RYR2: variants seen among roughly 807,000 people sequenced by gnomAD.
RYR2 encodes the protein ryanodine receptor 2.
Under a neutral mutation model 601.1 loss-of-function variants are expected in RYR2, and 227 were observed. That is an observed-to-expected ratio of 0.38 (90% CI 0.34 to 0.42). RYR2 has a LOEUF of 0.42. Ranked by LOEUF, RYR2 falls within the 10% of genes least tolerant of loss-of-function variation. The pLI is 1.00. For missense variants in RYR2, 4,646 were observed against 6,156.5 expected, an observed-to-expected ratio of 0.75 and a Z score of 8.21; for synonymous variants, 2,223 against 2,175.1, an observed-to-expected ratio of 1.02 and a Z score of -0.61.
At chr1:237,054,296 T>TC (rs112941855) in intron 1 of RYR2, among the ~76,000 whole-genome samples, 16,936 of 114,886 alleles carry the variant, frequency 0.15, 1,635 homozygotes, top group Non-Finnish European at 0.2. Flanking sequence ...CCTCCCTTCC[T>TC]CCTTCCTCCC....
chr1:237,170,406 G>GT (rs1236256946), intron 1 of RYR2, among the ~76,000 whole-genome samples: 1 of 152,192 alleles, frequency 6.6e-6, no homozygotes, highest in African/African-American at 2.4e-5. Context: ...GAGGAGGCGG[G>GT]TTCGGAATGA....
chr1:237,462,836 T>G (rs1659633358), intron 16 of RYR2, among the ~76,000 whole-genome samples: 1 of 152,148 alleles, frequency 6.6e-6, no homozygotes, highest in African/African-American at 2.4e-5. Flanking sequence ...TGCATCTAGA[T>G]AGTTCGATCT....
chr1:237,696,150 C>A lies in RYR2; in HGVS notation c.9068-2815C>A, dbSNP rs1388721761. Among the ~76,000 whole-genome samples the A allele has an allele frequency of 2.0e-5, 3 of 152,128 alleles. No homozygotes were observed. In the East Asian group the frequency reaches 5.8e-4, roughly 29 times the overall value. On this transcript the variant is annotated intron_variant, in intron 63 of 104. Transcript: ENST00000366574. ...GTTTAAAGTATCCCTGGCCACCCCT[C>A]ATGGAAAAGGGCACAGGAAAACTCA...
chr1:237,587,289 G>C (rs946979739), intron 29 of RYR2, among the ~76,000 whole-genome samples: 1 of 152,124 alleles, frequency 6.6e-6, no homozygotes, highest in Non-Finnish European at 1.5e-5. Context: ...ACAGTATGTT[G>C]TTTGGGCCAT....
At chr1:237,447,773 G>GTCTCTCTCCCC (rs1657554426) in intron 14 of RYR2, among the ~76,000 whole-genome samples, 1 of 150,448 alleles carries the variant, frequency 6.6e-6, no homozygotes, top group African/African-American at 2.5e-5. Flanking sequence ...CTTTCCGTCT[G>GTCTCTCTCCCC]TCTCTCTCTC....
intron 24 of RYR2, among the ~76,000 whole-genome samples, chr1:237,515,109 C>A (rs989987240): frequency 6.6e-6 from 1 of 152,130 alleles, no homozygotes; most frequent in African/African-American, 2.4e-5. Flanking sequence ...AGACTTCCAT[C>A]GTCATCTGTG....
intron 1 of RYR2, among the ~76,000 whole-genome samples, chr1:237,056,482 G>GC (rs34666538): frequency 2.1e-4 from 28 of 132,820 alleles, no homozygotes; most frequent in Non-Finnish European, 3.0e-4. Flanking sequence ...GAGGACTAGA[G>GC]ACTGCACCTG....
At chr1:237,508,734 CTTTTTTTTTTTTTTTT>C (rs869044432) in intron 23 of RYR2, among the ~76,000 whole-genome samples, 2 of 77,676 alleles carry the variant, frequency 2.6e-5, no homozygotes, top group African/African-American at 8.3e-5. Context: ...TTCGGGTTTT[CTTTTTTTTTTTTTTTT>C]TTTTTTTTTT....
At chr1:237,525,719 C>T (rs1667510323) in intron 24 of RYR2, among the ~76,000 whole-genome samples, 1 of 152,054 alleles carries the variant, frequency 6.6e-6, no homozygotes, top group East Asian at 1.9e-4. Context: ...GTGGCTCACT[C>T]CTGTAATCCC....
chr1:237,148,555 C>T (rs4593812), intron 1 of RYR2, among the ~76,000 whole-genome samples: 2,317 of 97,802 alleles, frequency 0.024, 110 homozygotes, highest in African/African-American at 0.082. Flanking sequence ...TATATATATA[C>T]ACACACACAT....
chr1:237,542,503 C>T (rs891773192), intron 25 of RYR2, among the ~76,000 whole-genome samples: 2 of 152,126 alleles, frequency 1.3e-5, no homozygotes, highest in African/African-American at 2.4e-5. Context: ...CTTGTTCAGT[C>T]GTTGGCCATT....
chr1:237,454,063 A>C (rs1296903155), intron 14 of RYR2, among the ~76,000 whole-genome samples: 3 of 152,186 alleles, frequency 2.0e-5, no homozygotes, highest in African/African-American at 7.2e-5. Context: ...ATGAAGCCTG[A>C]AGCCTTAAAG....
At chr1:237,556,901 A>C (rs1282647423) in intron 27 of RYR2, among the ~76,000 whole-genome samples, 2 of 91,888 alleles carry the variant, frequency 2.2e-5, no homozygotes, top group Non-Finnish European at 5.0e-5. Flanking sequence ...AAAAAAAAAA[A>C]AAAAAAAACC....
intron 51 of RYR2, among the ~76,000 whole-genome samples, chr1:237,652,963 A>G (rs1682911379): frequency 6.6e-6 from 1 of 152,198 alleles, no homozygotes; most frequent in Admixed American, 6.5e-5. Context: ...TAATAACAGT[A>G]ATTCTTATAA....
rs112016342 is a variant in RYR2, at chr1:237,136,484, C to T, written c.48+93915C>T. On this transcript the variant is annotated intron_variant, in intron 1 of 104. Coordinates refer to ENST00000366574, the MANE Select transcript of RYR2 (RefSeq NM_001035.3). ...TCCCACCGACTGGGGTGTCAGAATC[C>T]CAACCAGCATGTGAAGAACACACCC... 6.9e-3 allele frequency among the ~76,000 whole-genome samples: 1,045 copies of T among 152,240 alleles called. 7 individuals are homozygous for T. The highest frequency in any genetic ancestry group is 0.012 in the Non-Finnish European group (795 of 68,016).
intron 24 of RYR2, among the ~76,000 whole-genome samples, chr1:237,524,346 C>T (rs1667371443): frequency 6.6e-6 from 1 of 152,044 alleles, no homozygotes; most frequent in South Asian, 2.1e-4. Flanking sequence ...ATGAAATGCC[C>T]AAAACAGGCA....
At position 237,455,769 on chromosome 1, in the gene RYR2, G is replaced by A. The variant is rs145190182; in HGVS notation, c.1477-831G>A. 2.5e-4 allele frequency among the ~76,000 whole-genome samples: 38 copies of A among 152,148 alleles called. 1 individual carries two copies. In the East Asian group the frequency reaches 3.5e-3, roughly 14 times the overall value. On this transcript the variant is annotated intron_variant, in intron 15 of 104. Coordinates refer to ENST00000366574, the MANE Select transcript of RYR2 (RefSeq NM_001035.3). ...ACCTATCTAGAGACCTCAACGGCAC[G>A]AAAGCAAAAAAGTATCAACATAAAC...
chr1:237,090,804 A>T (rs1018184747), intron 1 of RYR2, among the ~76,000 whole-genome samples: 3 of 151,892 alleles, frequency 2.0e-5, no homozygotes, highest in African/African-American at 7.3e-5. Context: ...AATTCACGAG[A>T]CTCTTTTACT....
chr1:237,062,776 TTCCC>T (rs1663043190), intron 1 of RYR2, among the ~76,000 whole-genome samples: 1 of 152,200 alleles, frequency 6.6e-6, no homozygotes, highest in Admixed American at 6.5e-5. Flanking sequence ...CTTTGATCCT[TTCCC>T]TCAGTTTCAG....
Sources: gnomAD v4.1 joint callset for allele counts (sites outside exome capture counted in the v4.1 genomes callset) on GRCh38, gnomAD v4.1.1 for gene constraint, MANE v1.5 for transcripts, NCBI Gene and HGNC (gene_info 2026-07-23, HGNC 2026-07-21) for gene names.